RBAK: variants seen among roughly 807,000 people sequenced by gnomAD.
The protein encoded by RBAK is RB associated KRAB zinc finger.
A neutral mutation model predicts 65.8 loss-of-function variants in RBAK; 39 were observed. The ratio of observed to expected loss-of-function variants is 0.59; its 90% CI spans 0.46 to 0.77. The LOEUF (loss-of-function observed/expected upper bound fraction) is 0.77. Ranked by LOEUF, RBAK falls within the 30% of genes least tolerant of loss-of-function variation. The pLI is 0.00. For synonymous variants in RBAK, 343 were observed against 289.7 expected (o/e 1.18, Z -1.87); for missense variants, 884 against 855.1 (o/e 1.03, Z -0.42).
intron 2 of RBAK, among the ~76,000 whole-genome samples, chr7:5,050,596 T>C (rs1161310721): frequency 6.6e-6 from 1 of 152,200 alleles, no homozygotes; most frequent in East Asian, 1.9e-4. Flanking sequence ...TTTCTTTTCT[T>C]TTTTTGGAAA....
chr7:5,055,246 A>ATG (rs71535173), intron 2 of RBAK, among the ~76,000 whole-genome samples: 3,616 of 146,940 alleles, frequency 0.025, 59 homozygotes, highest in East Asian at 0.028. Context: ...TGAGGCATAA[A>ATG]TGTGTGTGTG....
rs777955109 is a variant in RBAK at position 5,065,087 on chromosome 7, G to A, written c.1631G>A (p.Cys544Tyr). Residue 544 changes from cysteine (C) to tyrosine (Y), a missense_variant, in exon 5 of 5, where the codon TGT becomes TAT. Physicochemically the swap from Cys to Tyr is radical, Grantham distance 194 (BLOSUM62 -2). Transcript: ENST00000396912. This position sits in a 1 kb window ranked among gnomAD's most constrained non-coding sequence, Gnocchi z 5.3. The stretch of plus-strand genomic sequence containing the variant: ...GAGAAATCCTATGAATGTAATGTAT[G>A]TGGAAAGTTATTCAATGAGTTGTCA... Reference protein sequence around the residue: ...KGEKSYECNVCGKLFNELSYY... With the variant: ...KGEKSYECNVYGKLFNELSYY... 3 of 1,614,014 alleles carry A rather than the reference G, an allele frequency of 1.9e-6. No individual in the cohort carries two copies. Among genetic ancestry groups the A allele is most frequent in the Non-Finnish European group, 2.5e-6 (3 of 1,179,954 alleles).
At chr7:5,059,979 C>T (rs1779030459) in intron 4 of RBAK, among the ~76,000 whole-genome samples, 1 of 152,056 alleles carries the variant, frequency 6.6e-6, no homozygotes. Context: ...AGTGTATGCT[C>T]TATGAGTATA....
intron 2 of RBAK, among the ~76,000 whole-genome samples, chr7:5,051,083 C>A (rs1284109338): frequency 6.6e-6 from 1 of 152,054 alleles, no homozygotes; most frequent in Non-Finnish European, 1.5e-5. Context: ...CATCTTTGGC[C>A]AGACAAAATC....
intron 2 of RBAK, among the ~76,000 whole-genome samples, chr7:5,055,675 T>C (rs1449388204): frequency 1.3e-5 from 2 of 152,230 alleles, no homozygotes; most frequent in Admixed American, 1.3e-4. Flanking sequence ...GTTTTTGTAT[T>C]GATGTAAGTG....
Position 5,045,869 on chromosome 7 carries a change from G to A in RBAK, c.-572G>A. 3 of 338,232 alleles carry A rather than the reference G, an allele frequency of 8.9e-6. No homozygotes were observed. Among genetic ancestry groups the A allele is most frequent in the Middle Eastern group, 8.0e-4 (2 of 2,504 alleles). The allele number at this position is 338,232 out of a possible 1,614,324, so 21.0% of individuals were successfully genotyped here. On this transcript the variant is annotated 5_prime_UTR_variant, in exon 1 of 5. Coordinates refer to ENST00000396912, the MANE Select transcript of RBAK (RefSeq NM_021163.4). ...TGCGCGCCGCCGCTGCACTGCCCTC[G>A]CTTCCTGTGCGTCCTCAGGTCACCG...
chr7:5,052,199 G>T (rs1197129613), intron 2 of RBAK, among the ~76,000 whole-genome samples: 1 of 152,104 alleles, frequency 6.6e-6, no homozygotes, highest in African/African-American at 2.4e-5. Flanking sequence ...TGCATGCATG[G>T]TATATCTTAT....
Position 5,048,333 on chromosome 7 carries a change from C to T in RBAK, c.15+242C>T, listed in dbSNP as rs1788041068. ...GATTACAGGCGTGCGCCACCATGCCCAACTAATTTTTTGTATTTTTAGAAG... is the reference window on the plus strand; with the variant it reads ...GATTACAGGCGTGCGCCACCATGCCTAACTAATTTTTTGTATTTTTAGAAG... On this transcript the variant is annotated intron_variant, in intron 2 of 4. Coordinates refer to ENST00000396912, the MANE Select transcript of RBAK (RefSeq NM_021163.4). The surrounding 1 kb of genome is among the most constrained non-coding windows in gnomAD (Gnocchi z 4.4). Among the ~76,000 whole-genome samples, 5 of 152,204 alleles carry T rather than the reference C, an allele frequency of 3.3e-5. No homozygotes were observed. The South Asian group carries it at 1.0e-3, about 32-fold the overall frequency.
rs1316814983 is a variant in RBAK, at chr7:5,063,893, C to G, written c.437C>G (p.Ser146Cys). 5 of 1,613,890 alleles carry G rather than the reference C, an allele frequency of 3.1e-6. No homozygotes were observed. The highest frequency in any genetic ancestry group is 4.2e-6 in the Non-Finnish European group (5 of 1,179,956). The change falls in exon 5 of 5, where the codon TCT becomes TGT. Residue 146 changes from serine to cysteine, a missense_variant. By Grantham distance (112) the Ser-to-Cys change is moderately radical (BLOSUM62 -1). Transcript: ENST00000396912. The stretch of plus-strand genomic sequence containing the variant: ...GTCTCATGTGGAAAGAATTTAGAAT[C>G]TATTTCGCAATTAATTAGTAGTGAT... ...NCVSCGKNLE[S>C]ISQLISSDGS...
rs138521471 is a variant in RBAK, at chr7:5,054,867, A to T, written c.16-2428A>T. 4.9e-3 allele frequency among the ~76,000 whole-genome samples: 752 copies of T among 152,248 alleles called. 3 individuals are homozygous for T. The highest frequency in any genetic ancestry group is 0.017 in the African/African-American group (703 of 41,528). On this transcript the variant is annotated intron_variant, in intron 2 of 4. Coordinates refer to ENST00000396912, the MANE Select transcript of RBAK (RefSeq NM_021163.4). ...TTTTTGGTATTTTTACTGGGGTTGC[A>T]TATTTATAAAGTAATTTAGGGTAAC...
intron 2 of RBAK, among the ~76,000 whole-genome samples, chr7:5,055,121 A>G (rs1194375128): frequency 6.6e-6 from 1 of 151,898 alleles, no homozygotes; most frequent in East Asian, 1.9e-4. Context: ...TAATTGTTTT[A>G]TCTTCTCTAA....
At chr7:5,051,982 G>A (rs1376682008) in intron 2 of RBAK, among the ~76,000 whole-genome samples, 3 of 152,096 alleles carry the variant, frequency 2.0e-5, no homozygotes, top group Admixed American at 2.0e-4. Flanking sequence ...GTTGGGGAGA[G>A]GGGATTGAAA....
rs1779284032 is a variant in RBAK, at chr7:5,068,827, A to T, written c.*3226A>T. 6.6e-6 allele frequency: 1 copy of T among 152,212 alleles called. No homozygotes were observed. The highest frequency in any genetic ancestry group is 2.4e-5 in the African/African-American group (1 of 41,456). 9.4% of individuals were successfully genotyped at this position (152,212 alleles called of 1,614,324 possible). ...AAGAAGTGGCATATGTCCATGGAATACTGTAAAACAGTGAGCATGAATGAA... is the reference window on the plus strand; with the variant it reads ...AAGAAGTGGCATATGTCCATGGAATTCTGTAAAACAGTGAGCATGAATGAA... On this transcript the variant is annotated 3_prime_UTR_variant, in exon 5 of 5. Coordinates refer to ENST00000396912, the MANE Select transcript of RBAK (RefSeq NM_021163.4).
rs1194597131 is a variant in RBAK, at chr7:5,067,680, C to G, written c.*2079C>G. The G allele has an allele frequency of 1.3e-5, 2 of 152,032 alleles. No individual in the cohort carries two copies. Among genetic ancestry groups the G allele is most frequent in the Non-Finnish European group, 2.9e-5 (2 of 68,006 alleles). The allele number at this position is 152,032 out of a possible 1,614,324, so 9.4% of individuals were successfully genotyped here. A position where few individuals can be genotyped will look rare whatever the true frequency, so the allele number is the denominator to read the frequency against. On this transcript the variant is annotated 3_prime_UTR_variant, in exon 5 of 5. Transcript: ENST00000396912. ...GATTGAAATTTCTAAATATCAAGAC[C>G]TGTTATAAAGCCATAGAAATAATGA...
At chr7:5,062,343 G>C (rs1404544289) in intron 4 of RBAK, among the ~76,000 whole-genome samples, 1 of 152,156 alleles carries the variant, frequency 6.6e-6, no homozygotes, top group Non-Finnish European at 1.5e-5. Context: ...GGGCGTCCGG[G>C]GGAGACATCA....
Position 5,064,452 on chromosome 7 carries a change from C to T in RBAK, c.996C>T (p.Leu332=), listed in dbSNP as rs764946562. 6.2e-7 allele frequency: 1 copy of T among 1,614,058 alleles called. No homozygotes were observed. The highest frequency in any genetic ancestry group is 2.2e-5 in the East Asian group (1 of 44,872). ...CGKTFCQKLH[L]TQHLRTHSGE... is the part of the protein sequence containing the mutation. ...AAACCTTTTGTCAGAAGTTACACCT[C>T]ACTCAACACCTAAGAACTCATTCAG... Residue 332 remains leucine, a synonymous_variant, in exon 5 of 5, where the codon CTC becomes CTT. Transcript: ENST00000396912. This position sits in a 1 kb window ranked among gnomAD's most constrained non-coding sequence, Gnocchi z 6.3.
rs1269815496 is a variant in RBAK, at chr7:5,057,168, T to C, written c.16-127T>C. On this transcript the variant is annotated intron_variant, in intron 2 of 4. Transcript: ENST00000396912. Reference sequence around the variant, plus strand: ...ATATGTGTTTCCAATATGATTTCCCTTCCATAATCTGTAACATAAAATAAG... The same window carrying C: ...ATATGTGTTTCCAATATGATTTCCCCTCCATAATCTGTAACATAAAATAAG... 4 of 1,440,356 alleles carry C rather than the reference T, an allele frequency of 2.8e-6. No individual in the cohort carries two copies. In the Admixed American group the frequency reaches 8.9e-5, roughly 32 times the overall value. The allele number at this position is 1,440,356 out of a possible 1,614,324, so 89.2% of individuals were successfully genotyped here. A position where few individuals can be genotyped will look rare whatever the true frequency, so the allele number is the denominator to read the frequency against.
At chr7:5,060,936 A>C (rs1779053484) in intron 4 of RBAK, among the ~76,000 whole-genome samples, 1 of 152,222 alleles carries the variant, frequency 6.6e-6, no homozygotes, top group South Asian at 2.1e-4. Flanking sequence ...ATACATAAAA[A>C]TAAAAGTACA....
chr7:5,063,083 A>G (rs541586253), intron 4 of RBAK, among the ~76,000 whole-genome samples: 1 of 152,352 alleles, frequency 6.6e-6, no homozygotes, highest in South Asian at 2.1e-4. Context: ...AGGAAATCAC[A>G]AGGGTATTGA....
Sources: gnomAD v4.1 joint callset for allele counts (sites outside exome capture counted in the v4.1 genomes callset) on GRCh38, gnomAD v4.1.1 for gene constraint, Gnocchi (gnomAD v3.1) non-coding constraint, MANE v1.5 for transcripts, NCBI Gene and HGNC (gene_info 2026-07-23, HGNC 2026-07-21) for gene names.